DPP6: variants seen among roughly 807,000 people sequenced by gnomAD.
DPP6 encodes the protein A-type potassium channel modulatory protein DPP6.
In DPP6, 69 loss-of-function variants were observed where a neutral mutation model predicts 122.6. That is an observed-to-expected ratio of 0.56 (90% CI 0.46 to 0.69). The LOEUF (loss-of-function observed/expected upper bound fraction) is 0.69. Among genes scored for constraint, DPP6 ranks in the 30% least tolerant of loss-of-function variants. DPP6 has a pLI of 0.00. For synonymous variants in DPP6, 418 were observed against 433.1 expected (o/e 0.97, Z 0.43); for missense variants, 928 against 1,116.9 (o/e 0.83, Z 2.41).
At chr7:153,771,559 C>CT in the DPP6 span, among the ~76,000 whole-genome samples, 6 of 152,030 alleles carry the variant, frequency 3.9e-5, no homozygotes, top group South Asian at 2.1e-4. Context: ...AGGCTGGTCT[C>CT]TAACTCCTGA....
chr7:154,064,857 G>A (rs1474020565), intron 1 of DPP6, among the ~76,000 whole-genome samples: 1 of 152,192 alleles, frequency 6.6e-6, no homozygotes, highest in Non-Finnish European at 1.5e-5. Context: ...TGTTGTCAGA[G>A]CCTGCACCGC....
the DPP6 span, among the ~76,000 whole-genome samples, chr7:153,802,213 CTT>C: frequency 8.7e-4 from 133 of 152,284 alleles, no homozygotes; most frequent in African/African-American, 3.2e-3. Context: ...CCACCAGAAA[CTT>C]TGTTTCCTTA....
intron 1 of DPP6, among the ~76,000 whole-genome samples, chr7:154,153,109 T>G (rs1796505786): frequency 6.6e-6 from 1 of 152,240 alleles, no homozygotes; most frequent in African/African-American, 2.4e-5. Context: ...CTGGGTCAAG[T>G]GAACTTTTAC....
chr7:154,655,043 G>A (rs898433979), intron 6 of DPP6, among the ~76,000 whole-genome samples: 1 of 152,086 alleles, frequency 6.6e-6, no homozygotes, highest in Non-Finnish European at 1.5e-5. Flanking sequence ...CATGTGTCAG[G>A]TTCTCTTTTA....
chr7:154,480,497 C>G (rs1823168951), intron 3 of DPP6, among the ~76,000 whole-genome samples: 1 of 152,192 alleles, frequency 6.6e-6, no homozygotes, highest in South Asian at 2.1e-4. Context: ...CCTGGATACA[C>G]TTTTTTCTTT....
At chr7:154,309,002 A>G (rs1806616772) in intron 1 of DPP6, among the ~76,000 whole-genome samples, 1 of 152,206 alleles carries the variant, frequency 6.6e-6, no homozygotes, top group South Asian at 2.1e-4. Flanking sequence ...ACACACAGGC[A>G]CACCTCGTGT....
chr7:154,532,544 A>G (rs960194061), intron 3 of DPP6, among the ~76,000 whole-genome samples: 1 of 152,070 alleles, frequency 6.6e-6, no homozygotes, highest in Non-Finnish European at 1.5e-5. Flanking sequence ...TAATGCCAAG[A>G]GCTTGTTCTT....
intron 1 of DPP6, among the ~76,000 whole-genome samples, chr7:154,087,591 GTTC>G (rs1418627301): frequency 6.6e-6 from 1 of 152,208 alleles, no homozygotes; most frequent in African/African-American, 2.4e-5. Context: ...GTGAGTGATT[GTTC>G]TTCTCTGGTG....
intron 1 of DPP6, among the ~76,000 whole-genome samples, chr7:154,201,077 A>G (rs1799146457): frequency 6.6e-6 from 1 of 152,132 alleles, no homozygotes; most frequent in Admixed American, 6.5e-5. Flanking sequence ...AACAGCAGAG[A>G]TACAAACTTG....
At chr7:154,564,999 C>T (rs1352740064) in intron 4 of DPP6, among the ~76,000 whole-genome samples, 1 of 152,144 alleles carries the variant, frequency 6.6e-6, no homozygotes, top group East Asian at 1.9e-4. Context: ...AGGCATAGTG[C>T]TGAAGTACTG....
intron 6 of DPP6, among the ~76,000 whole-genome samples, chr7:154,661,009 C>T (rs547544230): frequency 6.3e-5 from 6 of 95,680 alleles, no homozygotes; most frequent in Admixed American, 3.9e-4. Flanking sequence ...ATCACCATGG[C>T]ATATTGGCGC....
rs1472130637 is a variant in DPP6, at chr7:153,922,559, C to A, written c.51+34825C>A. Among the ~76,000 whole-genome samples, 4 of 152,180 alleles carry A rather than the reference C, an allele frequency of 2.6e-5. No homozygotes were observed. In the East Asian group the frequency reaches 7.7e-4, roughly 29 times the overall value. On this transcript the variant is annotated intron_variant, in intron 1 of 25. Coordinates refer to the DPP6 transcript ENST00000404039. ...ACCTGTCACCAGCTTAACTGCATTT[C>A]TCCAGGTCTGAGAAACAAATTCTAT...
intron 1 of DPP6, among the ~76,000 whole-genome samples, chr7:154,253,929 G>C (rs559279349): frequency 8.5e-5 from 13 of 152,332 alleles, no homozygotes; most frequent in African/African-American, 2.4e-4. Flanking sequence ...GTGAGAGGGA[G>C]AGCGAGAGAG....
At chr7:153,858,145 C>A in the DPP6 span, among the ~76,000 whole-genome samples, 1 of 152,284 alleles carries the variant, frequency 6.6e-6, no homozygotes, top group African/African-American at 2.4e-5. Flanking sequence ...CTTTCCCCTT[C>A]TTTCTTCAAA....
At chr7:154,721,685 C>A (rs1290730223) in intron 7 of DPP6, among the ~76,000 whole-genome samples, 1 of 152,124 alleles carries the variant, frequency 6.6e-6, no homozygotes, top group Non-Finnish European at 1.5e-5. Flanking sequence ...AAGCATTAAT[C>A]CTTAACATTC....
At chr7:154,543,704 T>C (rs1302354376) in intron 4 of DPP6, among the ~76,000 whole-genome samples, 2 of 152,148 alleles carry the variant, frequency 1.3e-5, no homozygotes, top group Non-Finnish European at 1.5e-5. Flanking sequence ...TTTAGATTGT[T>C]GAGTTCAGAC....
intron 1 of DPP6, among the ~76,000 whole-genome samples, chr7:154,236,498 G>A (rs1585702600): frequency 6.6e-6 from 1 of 152,096 alleles, no homozygotes; most frequent in East Asian, 1.9e-4. Context: ...TAAATTCTTA[G>A]GATAATTTCT....
intron 1 of DPP6, among the ~76,000 whole-genome samples, chr7:154,076,695 C>T (rs904981765): frequency 1.3e-5 from 2 of 151,670 alleles, no homozygotes; most frequent in Non-Finnish European, 2.9e-5. Context: ...CACTGATAGC[C>T]AGGTGTGGCT....
intron 1 of DPP6, among the ~76,000 whole-genome samples, chr7:154,263,715 TCTCA>T (rs1803184152): frequency 6.6e-6 from 1 of 152,110 alleles, no homozygotes; most frequent in South Asian, 2.1e-4. Context: ...TGAGACAAAG[TCTCA>T]CTCTGTCACC....
Sources: gnomAD v4.1 joint callset for allele counts (sites outside exome capture counted in the v4.1 genomes callset) on GRCh38, gnomAD v4.1.1 for gene constraint, MANE v1.5 for transcripts, NCBI Gene and HGNC (gene_info 2026-07-23, HGNC 2026-07-21) for gene names.